Variants in KCP observed in about 807,000 individuals in gnomAD.
KCP encodes kielin cysteine rich BMP regulator.
A neutral mutation model predicts 212.7 loss-of-function variants in KCP; 194 were observed. That is an observed-to-expected ratio of 0.91 (90% CI 0.81 to 1.03). The LOEUF is 1.03. Ranked by LOEUF, KCP falls within the 50% of genes least tolerant of loss-of-function variation. The probability of loss-of-function intolerance (pLI) is 0.00; values close to 1 mark genes in which losing one functional copy is unlikely to be tolerated. For synonymous variants in KCP, 833 were observed against 865.3 expected (o/e 0.96, Z 0.65); for missense variants, 2,080 against 2,162.5 (o/e 0.96, Z 0.76).
Position 128,891,036 on chromosome 7 carries a change from T to C in KCP, c.2033A>G (p.Tyr678Cys). Residue 678 changes from tyrosine to cysteine, a missense_variant, in exon 20 of 40, where the codon TAC becomes TGC. By Grantham distance (194) the Tyr-to-Cys change is radical. Coordinates refer to ENST00000610776, the MANE Select transcript of KCP (RefSeq NM_001366122.1). Reference sequence around the variant, plus strand: ...GCAGGGATCGCCGGGCGGGGAGAAGTACTCCTGGTGGCGGGCGTGGGCCGC... The same window carrying C: ...GCAGGGATCGCCGGGCGGGGAGAAGCACTCCTGGTGGCGGGCGTGGGCCGC... ...PGAAHARHQE[Y>C]FSPPGDPCRR... 7.3e-7 allele frequency: 1 copy of C among 1,368,328 alleles called. No individual in the cohort carries two copies. Among genetic ancestry groups the C allele is most frequent in the East Asian group, 3.0e-5 (1 of 32,954 alleles). The allele number at this position is 1,368,328 out of a possible 1,614,324, so 84.8% of individuals were successfully genotyped here.
intron 5 of KCP, 28 bp from the exon 6 acceptor site, chr7:128,904,166 G>A (rs1174048154): frequency 1.3e-6 from 2 of 1,544,934 alleles, no homozygotes; most frequent in Middle Eastern, 1.7e-4. Context: ...ATGACAAGTG[G>A]GTCACCAGGC....
chr7:128,879,882 G>A, intron 35 of KCP, 31 bp downstream of exon 35: 1 of 1,551,216 alleles, frequency 6.4e-7, no homozygotes, highest in Non-Finnish European at 8.7e-7. Flanking sequence ...GGGTGTAGGG[G>A]TTGGGGAGAA....
At chr7:128,895,100 T>C (rs1585233761) in intron 8 of KCP, among the ~76,000 whole-genome samples, 1 of 152,278 alleles carries the variant, frequency 6.6e-6, no homozygotes, top group East Asian at 1.9e-4. Context: ...CACACCTTGA[T>C]CTCACACTTC....
chr7:128,886,090 A>G (rs1793629306), intron 26 of KCP, among the ~76,000 whole-genome samples: 1 of 152,086 alleles, frequency 6.6e-6, no homozygotes, highest in Non-Finnish European at 1.5e-5. Flanking sequence ...TATTTTTTAG[A>G]CAGAGTCTTC....
At chr7:128,908,307 G>GTAAGT (rs1554420571) in intron 2 of KCP, 119 bp downstream of exon 2, 1 of 394,948 alleles carries the variant, frequency 2.5e-6, no homozygotes, top group African/African-American at 3.5e-5. Context: ...AGAAAGAAAG[G>GTAAGT]GAATTGTTCA....
chr7:128,887,020 C>T (rs1296791384), intron 23 of KCP, 54 bp from the exon 24 acceptor site: 1 of 1,095,658 alleles, frequency 9.1e-7, no homozygotes, highest in Non-Finnish European at 1.4e-6. Context: ...TTCCCCAGGG[C>T]TGGAGCCCCT....
chr7:128,884,779 A>C lies in KCP; in HGVS notation c.3123+2T>G. ...CAGCCCCACCACTGTGCCCTCACCT[A>C]CCTCGCAGATGCACACTTCACAGGG... On this transcript the variant is annotated splice_donor_variant, in intron 28 of 39. Coordinates refer to ENST00000610776, the MANE Select transcript of KCP (RefSeq NM_001366122.1). LOFTEE classifies it high-confidence loss of function. The C allele has an allele frequency of 6.4e-7, 1 of 1,550,574 alleles. No individual in the cohort carries two copies. Among genetic ancestry groups the C allele is most frequent in the Non-Finnish European group, 8.7e-7 (1 of 1,146,854 alleles).
At chr7:128,878,845 A>G in intron 37 of KCP, 123 bp from the exon 38 acceptor site, 1 of 969,886 alleles carries the variant, frequency 1.0e-6, no homozygotes, top group South Asian at 1.8e-5. Context: ...GAGAATGGAC[A>G]GGTGGAGGCT....
chr7:128,877,515 C>A lies in KCP; in HGVS notation c.4587G>T (p.Val1529=). The A allele has an allele frequency of 6.4e-7, 1 of 1,551,366 alleles. No homozygotes were observed. The highest frequency in any genetic ancestry group is 1.2e-5 in the South Asian group (1 of 84,056). The change falls in exon 39 of 40, where the codon GTG becomes GTT. Residue 1529 remains valine (V), a synonymous_variant. Coordinates refer to ENST00000610776, the MANE Select transcript of KCP (RefSeq NM_001366122.1). Reference sequence around the variant, plus strand: ...GCGTGGGGCCTCGCCAGGTAGGTGTCACTCCTGCCTGGCGACAGTGACTGG... The same window carrying A: ...GCGTGGGGCCTCGCCAGGTAGGTGTAACTCCTGCCTGGCGACAGTGACTGG... The part of the protein sequence containing the change: ...AYASHCRQAG[V]TPTWRGPTLC...
At chr7:128,887,906 CAT>C (rs1186808442) in intron 22 of KCP, among the ~76,000 whole-genome samples, 3 of 150,602 alleles carry the variant, frequency 2.0e-5, no homozygotes, top group African/African-American at 7.4e-5. Context: ...CACACATACA[CAT>C]ACACACCCAC....
chr7:128,884,725 G>T, intron 28 of KCP, 56 bp downstream of exon 28: 1 of 1,488,762 alleles, frequency 6.7e-7, no homozygotes, highest in Non-Finnish European at 9.2e-7. Context: ...CTCATCCCAT[G>T]CTGCCCACTC....
In KCP at chr7:128,907,266, CT is replaced by C. The variant is rs746060976; in HGVS notation, c.406del (p.Arg136GlyfsTer83). The C allele has an allele frequency of 6.5e-6, 10 of 1,533,448 alleles. No individual in the cohort carries two copies. In the South Asian group the frequency reaches 8.4e-5, roughly 13 times the overall value. The allele number at this position is 1,533,448 out of a possible 1,614,324, so 95.0% of individuals were successfully genotyped here. A position where few individuals can be genotyped will look rare whatever the true frequency, so the allele number is the denominator to read the frequency against. On this transcript the variant is annotated frameshift_variant, in exon 3 of 40. Coordinates refer to ENST00000610776, the MANE Select transcript of KCP (RefSeq NM_001366122.1). LOFTEE classifies it high-confidence loss of function. Reference protein sequence around the residue: ...CGPQAHLPHCRGCSQNGQTYG... With the variant: ...CGPQAHLPHCXGCSQNGQTYG... ...TGGGCGGATAGGGTGGCACTTACCC[CT>C]GCAATGGGGCAGGTGTGCTTGGGGG...
At chr7:128,904,892 A>T (rs897056861) in intron 5 of KCP, among the ~76,000 whole-genome samples, 1 of 152,210 alleles carries the variant, frequency 6.6e-6, no homozygotes, top group African/African-American at 2.4e-5. Flanking sequence ...CAACAGATGG[A>T]AGTAGTGTCT....
At chr7:128,886,600 G>A (rs1247320308) in intron 25 of KCP, 43 bp from the exon 26 acceptor site, 2 of 1,550,478 alleles carry the variant, frequency 1.3e-6, no homozygotes, top group Admixed American at 2.0e-5. Context: ...CTAGGCTGGG[G>A]CCCAGAGGTG....
chr7:128,898,763 G>A (rs925769001), intron 8 of KCP, among the ~76,000 whole-genome samples: 1 of 152,178 alleles, frequency 6.6e-6, no homozygotes, highest in African/African-American at 2.4e-5. Context: ...AGTTGTGGAA[G>A]GTTTGTGAAA....
At chr7:128,896,531 G>A (rs916074887) in intron 8 of KCP, among the ~76,000 whole-genome samples, 5 of 152,116 alleles carry the variant, frequency 3.3e-5, no homozygotes, top group Non-Finnish European at 7.4e-5. Context: ...GTACAGGATC[G>A]TGGGACATGC....
chr7:128,910,389 G>A (rs1356371054), intron 1 of KCP, among the ~76,000 whole-genome samples: 5 of 152,184 alleles, frequency 3.3e-5, no homozygotes, highest in Non-Finnish European at 5.9e-5. Context: ...TGCAGGAACC[G>A]CCCCCCTCTC....
At position 128,890,927 on chromosome 7, in the gene KCP, C is replaced by A; in HGVS notation, c.2142G>T (p.Gly714=). The part of the protein sequence containing the change: ...PPAPCAHPRQ[G]PCCPSCDGCL... ...TACCGTCGCAGGAGGGGCAGCAAGG[C>A]CCCTGGCGCGGGTGCGCGCAGGGCG... Residue 714 remains glycine (G), a synonymous_variant, in exon 20 of 40, where the codon GGG becomes GGT. Coordinates refer to ENST00000610776, the MANE Select transcript of KCP (RefSeq NM_001366122.1). 1.6e-6 allele frequency: 2 copies of A among 1,246,518 alleles called. No homozygotes were observed. Among genetic ancestry groups the A allele is most frequent in the Non-Finnish European group, 2.0e-6 (2 of 1,000,184 alleles). 77.2% of individuals were successfully genotyped at this position (1,246,518 alleles called of 1,614,324 possible). A position where few individuals can be genotyped will look rare whatever the true frequency, so the allele number is the denominator to read the frequency against.
chr7:128,893,856 G>A lies in KCP; in HGVS notation c.1049C>T (p.Pro350Leu), dbSNP rs779073411. 19 of 1,551,174 alleles carry A rather than the reference G, an allele frequency of 1.2e-5. No homozygotes were observed. The highest frequency in any genetic ancestry group is 1.7e-5 in the Non-Finnish European group (19 of 1,147,004). Reference sequence around the variant, plus strand: ...AGGGATCTTGCCTGGGTGTCTGCAGGGCACTGGCGGGCAGGGCAGAGGCTC... The same window carrying A: ...AGGGATCTTGCCTGGGTGTCTGCAGAGCACTGGCGGGCAGGGCAGAGGCTC... Reference protein sequence around the residue: ...QCEPLPCPPVPCRHPGKIPGQ... With the variant: ...QCEPLPCPPVLCRHPGKIPGQ... Residue 350 changes from proline to leucine, a missense_variant, in exon 11 of 40, where the codon CCC becomes CTC. Pro to Leu is a moderately conservative substitution (Grantham distance 98). Coordinates refer to ENST00000610776, the MANE Select transcript of KCP (RefSeq NM_001366122.1).
Sources: allele counts gnomAD v4.1 joint callset (sites outside exome capture counted in the v4.1 genomes callset), GRCh38; gene constraint gnomAD v4.1.1; transcripts MANE v1.5; gene names NCBI Gene and HGNC (gene_info 2026-07-23, HGNC 2026-07-21).